ABCA13: variants seen among roughly 807,000 people sequenced by gnomAD.
The protein encoded by ABCA13 is ATP-binding cassette sub-family A member 13.
ABCA13 carries 476 observed loss-of-function variants against 478.7 expected under a neutral mutation model. That is an observed-to-expected ratio of 0.99 (90% CI 0.92 to 1.07). The LOEUF is 1.07. Among genes scored for constraint, ABCA13 ranks in the 50% least tolerant of loss-of-function variants. The pLI, the probability that ABCA13 is intolerant of heterozygous loss-of-function variation, is 0.00. For missense variants in ABCA13, 6,060 were observed against 5,910.6 expected, an observed-to-expected ratio of 1.03 and a Z score of -0.83; for synonymous variants, 2,252 against 2,158.9, an observed-to-expected ratio of 1.04 and a Z score of -1.20.
chr7:48,285,185 A>G (rs1797561331), intron 19 of ABCA13, among the ~76,000 whole-genome samples: 1 of 152,188 alleles, frequency 6.6e-6, no homozygotes, highest in Non-Finnish European at 1.5e-5. Context: ...TGAAGCAGTC[A>G]GAGCCCATTT....
chr7:48,490,583 T>G lies in ABCA13; in HGVS notation c.13291+1239T>G, dbSNP rs6946934. Among the ~76,000 whole-genome samples, 267 of 152,046 alleles carry G rather than the reference T, an allele frequency of 1.8e-3. 1 individual carries two copies. Among genetic ancestry groups the G allele is most frequent in the African/African-American group, 6.2e-3 (256 of 41,508 alleles). ...GTCATTAACACTGGATCTTGAACAA[T>G]GAGCAGAAGTTTGACTGAGGTCAGA... is the stretch of plus-strand genomic sequence containing the variant. On this transcript the variant is annotated intron_variant, in intron 48 of 61. Coordinates refer to ENST00000435803, the MANE Select transcript of ABCA13 (RefSeq NM_152701.5).
chr7:48,321,341 G>A (rs1038604261), intron 27 of ABCA13, among the ~76,000 whole-genome samples: 1 of 152,114 alleles, frequency 6.6e-6, no homozygotes. Flanking sequence ...AGACGGGAGC[G>A]GGTGGGAGCC....
intron 55 of ABCA13, among the ~76,000 whole-genome samples, chr7:48,555,763 A>T (rs1785755790): frequency 6.6e-6 from 1 of 151,500 alleles, no homozygotes; most frequent in East Asian, 1.9e-4. Context: ...CAAAAAACAA[A>T]TTTTTATTTT....
At chr7:48,364,113 G>A (rs1244525640) in intron 31 of ABCA13, among the ~76,000 whole-genome samples, 2 of 148,698 alleles carry the variant, frequency 1.3e-5, no homozygotes, top group Non-Finnish European at 3.0e-5. Context: ...TGGTGGTGAG[G>A]ACCAGGTGCC....
At chr7:48,523,174 C>T (rs985499428) in intron 53 of ABCA13, among the ~76,000 whole-genome samples, 2 of 152,040 alleles carry the variant, frequency 1.3e-5, no homozygotes, top group African/African-American at 4.8e-5. Context: ...ATTCATTTTT[C>T]TTGCCTTTGA....
In ABCA13 at chr7:48,274,298, G is replaced by T. The variant is rs370463927; in HGVS notation, c.4632G>T (p.Trp1544Cys). The change falls in exon 17 of 62, where the codon TGG becomes TGT. Residue 1544 changes from tryptophan (W) to cysteine (C), a missense_variant. By Grantham distance (215) the Trp-to-Cys change is radical. Around this residue, in one of 3 missense-constraint regions of ABCA13, gnomAD observed 4,423 missense variants for 4,309.1 expected, o/e 1.03. Coordinates refer to ENST00000435803, the MANE Select transcript of ABCA13 (RefSeq NM_152701.5). ...DEIPNQFQNI[W>C]LHLITLGKEF... ...TTCCTAATCAGTTTCAAAATATTTG[G>T]CTTCATTTAATAACACTGGGGAAGG... 2.5e-6 allele frequency: 4 copies of T among 1,613,098 alleles called. No individual in the cohort carries two copies. Among genetic ancestry groups the T allele is most frequent in the Non-Finnish European group, 3.4e-6 (4 of 1,179,582 alleles).
rs566894266 is a variant in ABCA13, at chr7:48,193,020, G to A, written c.131G>A (p.Arg44His). 46 of 1,527,832 alleles carry A rather than the reference G, an allele frequency of 3.0e-5. 1 individual carries two copies. The highest frequency in any genetic ancestry group is 2.0e-4 in the Admixed American group (10 of 50,200). 94.6% of individuals were successfully genotyped at this position (1,527,832 alleles called of 1,614,324 possible). A position where few individuals can be genotyped will look rare whatever the true frequency, so the allele number is the denominator to read the frequency against. Residue 44 changes from arginine to histidine, a missense_variant, in exon 2 of 62, where the codon CGT (arginine) becomes CAT (histidine). By Grantham distance (29) the Arg-to-His change is conservative (BLOSUM62 0). This residue lies in a region of ABCA13 where 4,423 missense variants were observed against 4,309.1 expected (regional missense o/e 1.03). Coordinates refer to ENST00000435803, the MANE Select transcript of ABCA13 (RefSeq NM_152701.5). ...CTGTTTGTAATTCTGACAGTTCTTC[G>A]TTTTCAAGAACCTCCCAGATACAGA... ...CILFVILTVL[R>H]FQEPPRYRDI...
In ABCA13 at chr7:48,389,132, G is replaced by A. The variant is rs1253639618; in HGVS notation, c.11566G>A (p.Ala3856Thr). The A allele has an allele frequency of 3.1e-6, 5 of 1,613,944 alleles. No individual in the cohort carries two copies. Among genetic ancestry groups the A allele is most frequent in the South Asian group, 2.2e-5 (2 of 91,082 alleles). Residue 3856 changes from alanine (A) to threonine (T), a missense_variant, in exon 37 of 62, where the codon GCT (alanine) becomes ACT (threonine). Ala to Thr is a moderately conservative substitution (Grantham distance 58). Coordinates refer to ENST00000435803, the MANE Select transcript of ABCA13 (RefSeq NM_152701.5). ...GACCAAGGAATATGAGGGCCACAAG[G>A]CTGTGGTCCAAGACCTCAGCCTGAC... ...SVTKEYEGHKAVVQDLSLTFY... is the reference protein window; with the variant it reads ...SVTKEYEGHKTVVQDLSLTFY...
At chr7:48,389,548 AG>A (rs1393696326) in intron 37 of ABCA13, among the ~76,000 whole-genome samples, 3 of 152,228 alleles carry the variant, frequency 2.0e-5, no homozygotes, top group Non-Finnish European at 2.9e-5. Flanking sequence ...TGGCACTTTC[AG>A]CGTTTGTCCT....
Position 48,489,298 on chromosome 7 carries a change from T to C in ABCA13, c.13245T>C (p.Leu4415=). The C allele has an allele frequency of 6.2e-7, 1 of 1,613,058 alleles. No homozygotes were observed. The highest frequency in any genetic ancestry group is 8.5e-7 in the Non-Finnish European group (1 of 1,179,294). Residue 4415 remains leucine (L), a synonymous_variant, in exon 48 of 62, where the codon CTT becomes CTC. Coordinates refer to ENST00000435803, the MANE Select transcript of ABCA13 (RefSeq NM_152701.5). ...LPSYLNHLNN[L]ILWQHLPPTV... ...CCTACTTAAATCATCTAAACAACCT[T>C]ATTTTGTGGCAGCACCTACCCCCTA...
intron 1 of ABCA13, among the ~76,000 whole-genome samples, chr7:48,176,823 A>T (rs1464736039): frequency 6.6e-6 from 1 of 152,228 alleles, no homozygotes; most frequent in Non-Finnish European, 1.5e-5. Context: ...AGATGTAAAG[A>T]AACATATTCT....
chr7:48,430,093 G>A (rs1254403216), intron 42 of ABCA13, among the ~76,000 whole-genome samples: 1 of 152,126 alleles, frequency 6.6e-6, no homozygotes, highest in Admixed American at 6.5e-5. Context: ...TTGTGGACAT[G>A]TTTGTGAATA....
At chr7:48,320,292 T>C (rs910419246) in intron 27 of ABCA13, among the ~76,000 whole-genome samples, 2 of 152,190 alleles carry the variant, frequency 1.3e-5, no homozygotes, top group Non-Finnish European at 2.9e-5. Context: ...CAAAAGTCCC[T>C]AGTTGGAGGT....
At chr7:48,524,891 A>G (rs963730049) in intron 54 of ABCA13, among the ~76,000 whole-genome samples, 4 of 152,214 alleles carry the variant, frequency 2.6e-5, no homozygotes, top group African/African-American at 4.8e-5. Context: ...GTTCACAGGT[A>G]AGACATTAAT....
At chr7:48,321,453 G>A (rs1803446278) in intron 27 of ABCA13, among the ~76,000 whole-genome samples, 1 of 152,210 alleles carries the variant, frequency 6.6e-6, no homozygotes, top group African/African-American at 2.4e-5. Flanking sequence ...GTGGGATGAT[G>A]GAGGAGCTGC....
intron 2 of ABCA13, 117 bp downstream of exon 2, chr7:48,193,169 T>G (rs1207637980): frequency 1.4e-6 from 1 of 738,920 alleles, no homozygotes; most frequent in Non-Finnish European, 2.2e-6. Flanking sequence ...AGATAGGGTT[T>G]CATTATGACA....
intron 35 of ABCA13, among the ~76,000 whole-genome samples, chr7:48,378,498 C>T (rs1446012279): frequency 2.0e-5 from 3 of 152,166 alleles, no homozygotes; most frequent in African/African-American, 7.2e-5. Flanking sequence ...CACGTATATT[C>T]GACTGAGGAA....
In ABCA13 at chr7:48,272,080, A is replaced by G. The variant is rs1397675878; in HGVS notation, c.2414A>G (p.Gln805Arg). Residue 805 changes from glutamine (Q) to arginine (R), a missense_variant, in exon 17 of 62, where the codon CAG becomes CGG. This residue lies in a region of ABCA13 where 4,423 missense variants were observed against 4,309.1 expected (regional missense o/e 1.03). Coordinates refer to ENST00000435803, the MANE Select transcript of ABCA13 (RefSeq NM_152701.5). ...GGCAACGAAGTGATTTGGAAAATGC[A>G]GACTCTCGGAAGTCACTGGATAAGG... The part of the protein sequence containing the change: ...EFGNEVIWKM[Q>R]TLGSHWIRKE... 2 of 1,613,786 alleles carry G rather than the reference A, an allele frequency of 1.2e-6. No homozygotes were observed. Among genetic ancestry groups the G allele is most frequent in the South Asian group, 2.2e-5 (2 of 91,072 alleles).
chr7:48,349,600 C>T (rs1057068690), intron 29 of ABCA13, among the ~76,000 whole-genome samples: 6 of 152,170 alleles, frequency 3.9e-5, no homozygotes, highest in Admixed American at 2.6e-4. Context: ...CAAGCAAAAC[C>T]CAGACTTAAT....
Sources: allele counts gnomAD v4.1 joint callset (sites outside exome capture counted in the v4.1 genomes callset), GRCh38; gene constraint gnomAD v4.1.1; regional missense constraint gnomAD v4.1.1; transcripts MANE v1.5; gene names NCBI Gene and HGNC (gene_info 2026-07-23, HGNC 2026-07-21).